The following FLT3 variants were observed in gnomAD, a reference collection of about 807,000 sequenced individuals.
The protein encoded by FLT3 is fms related receptor tyrosine kinase 3, also known as receptor-type tyrosine-protein kinase FLT3.
In FLT3, 46 loss-of-function variants were observed where a neutral mutation model predicts 126.6. The ratio of observed to expected loss-of-function variants is 0.36; its 90% CI spans 0.29 to 0.46. FLT3 has a LOEUF of 0.46. Among genes scored for constraint, FLT3 ranks in the 20% least tolerant of loss-of-function variants. FLT3 has a pLI of 1.00. For synonymous variants in FLT3, 404 were observed against 434.4 expected (o/e 0.93, Z 0.87); for missense variants, 1,069 against 1,190.3 (o/e 0.90, Z 1.50).
rs564866854 is a variant in FLT3 at position 28,090,906 on chromosome 13, C to T, written c.43+9562G>A. Among the ~76,000 whole-genome samples, 122 of 152,108 alleles carry T rather than the reference C, an allele frequency of 8.0e-4. 5 individuals are homozygous for T. The South Asian group carries it at 0.023, about 28-fold the overall frequency. On this transcript the variant is annotated intron_variant, in intron 1 of 23. Coordinates refer to ENST00000241453, the MANE Select transcript of FLT3 (RefSeq NM_004119.3). ...AATCCAGTTCCAAACACATTCTGAGCGGTGAGGACAACTTTGGAATTGAAA... is the reference window on the plus strand; with the variant it reads ...AATCCAGTTCCAAACACATTCTGAGTGGTGAGGACAACTTTGGAATTGAAA...
At chr13:28,089,703 G>T (rs1009485865) in intron 1 of FLT3, among the ~76,000 whole-genome samples, 16 of 151,758 alleles carry the variant, frequency 1.1e-4, no homozygotes, top group Non-Finnish European at 2.1e-4. Context: ...GCTTGGGGTA[G>T]GGATCAGGGT....
At chr13:28,067,908 T>C (rs1258002844) in intron 2 of FLT3, 1 of 391,104 alleles carries the variant, frequency 2.6e-6, no homozygotes, top group African/African-American at 2.2e-5. Flanking sequence ...AGCTGGCTTG[T>C]GCAGGCCACC....
intron 1 of FLT3, among the ~76,000 whole-genome samples, chr13:28,093,728 C>G: frequency 6.6e-6 from 1 of 152,198 alleles, no homozygotes; most frequent in South Asian, 2.1e-4. Context: ...CCTTCTCAGT[C>G]TGGGTTAGAG....
At chr13:28,041,836 T>G (rs1272827869) in intron 9 of FLT3, among the ~76,000 whole-genome samples, 3 of 152,180 alleles carry the variant, frequency 2.0e-5, no homozygotes, top group African/African-American at 4.8e-5. Context: ...TCTAAGAAGA[T>G]GCGTTCTCAT....
chr13:28,051,176 T>C (rs1181749289), intron 5 of FLT3, among the ~76,000 whole-genome samples: 1 of 152,236 alleles, frequency 6.6e-6, no homozygotes, highest in East Asian at 1.9e-4. Flanking sequence ...TTAGACTGCT[T>C]TCCCAGAACA....
chr13:28,091,243 A>T (rs1321469428), intron 1 of FLT3, among the ~76,000 whole-genome samples: 9 of 37,358 alleles, frequency 2.4e-4, no homozygotes, highest in African/African-American at 1.1e-3. Context: ...TTTTTTTGAG[A>T]CGGAGTCTCG....
At chr13:28,097,114 G>A (rs1050490503) in intron 1 of FLT3, among the ~76,000 whole-genome samples, 15 of 152,018 alleles carry the variant, frequency 9.9e-5, no homozygotes, top group African/African-American at 3.6e-4. Flanking sequence ...TACTCAGGAG[G>A]CTGAGGTAGG....
At chr13:28,021,529 A>G (rs144778704) in intron 19 of FLT3, among the ~76,000 whole-genome samples, 1 of 152,332 alleles carries the variant, frequency 6.6e-6, no homozygotes, top group African/African-American at 2.4e-5. Flanking sequence ...TGTGCCTCGC[A>G]GTTCAGAGGT....
intron 20 of FLT3, among the ~76,000 whole-genome samples, chr13:28,017,214 G>A (rs1177276583): frequency 1.3e-5 from 2 of 152,060 alleles, no homozygotes; most frequent in African/African-American, 4.8e-5. Context: ...CACAAGTAGG[G>A]AATTCTTTTT....
intron 3 of FLT3, 123 bp downstream of exon 3, chr13:28,061,744 C>A: frequency 1.4e-6 from 1 of 702,644 alleles, no homozygotes; most frequent in East Asian, 2.7e-5. Context: ...CTACTCCAGC[C>A]TGGGTGACAG....
At chr13:28,087,938 C>T (rs565821242) in intron 1 of FLT3, among the ~76,000 whole-genome samples, 3 of 152,210 alleles carry the variant, frequency 2.0e-5, no homozygotes, top group Non-Finnish European at 4.4e-5. Flanking sequence ...TTATAATAAC[C>T]GTTTTAATTT....
intron 1 of FLT3, among the ~76,000 whole-genome samples, chr13:28,077,486 A>G (rs1290290594): frequency 6.6e-6 from 1 of 152,176 alleles, no homozygotes; most frequent in Non-Finnish European, 1.5e-5. Context: ...AGACTTATTC[A>G]CTATCATGAG....
chr13:28,058,305 G>A (rs749351650), intron 3 of FLT3, among the ~76,000 whole-genome samples: 2 of 150,904 alleles, frequency 1.3e-5, no homozygotes, highest in Non-Finnish European at 2.9e-5. Context: ...ACCTGAGGTC[G>A]GGAATTCAAG....
intron 1 of FLT3, chr13:28,073,362 A>T: frequency 2.4e-6 from 1 of 421,222 alleles, no homozygotes; most frequent in South Asian, 1.7e-5. Flanking sequence ...GAAAAAAAAA[A>T]AAAAAAAGCA....
At chr13:28,068,121 T>C (rs2137782262) in intron 2 of FLT3, 1 of 153,696 alleles carries the variant, frequency 6.5e-6, no homozygotes, top group South Asian at 2.0e-4. Flanking sequence ...TGACATTAAA[T>C]GCAGCTTTGA....
At chr13:28,028,521 A>G (rs983584609) in intron 15 of FLT3, among the ~76,000 whole-genome samples, 4 of 151,948 alleles carry the variant, frequency 2.6e-5, no homozygotes, top group African/African-American at 7.3e-5. Context: ...ATATGGTGAA[A>G]CCTCGTCTCT....
At chr13:28,081,287 C>A (rs1878285200) in intron 1 of FLT3, among the ~76,000 whole-genome samples, 1 of 105,706 alleles carries the variant, frequency 9.5e-6, no homozygotes, top group Non-Finnish European at 2.3e-5. Context: ...TTAATTAGAT[C>A]TTACTTAATT....
At position 28,010,740 on chromosome 13, in the gene FLT3, CT is replaced by C. The variant is rs529307941; in HGVS notation, c.2859+3711del. Reference sequence around the variant, plus strand: ...CAAAGATTCTGGCCGGGCATGGTGGCTCATGCCTGTAATCCCCCCACCTTGG... The same window carrying C: ...CAAAGATTCTGGCCGGGCATGGTGGCCATGCCTGTAATCCCCCCACCTTGG... On this transcript the variant is annotated intron_variant, in intron 23 of 23. Coordinates refer to ENST00000241453, the MANE Select transcript of FLT3 (RefSeq NM_004119.3). Among the ~76,000 whole-genome samples the C allele has an allele frequency of 3.7e-3, 571 of 152,328 alleles. 3 individuals are homozygous for C. The highest frequency in any genetic ancestry group is 6.8e-3 in the Middle Eastern group (2 of 294).
Position 28,034,168 on chromosome 13 carries a change from G to C in FLT3, c.1751C>G (p.Ser584Cys). ...AACGTAGAAGTACTCATTATCTGAG[G>C]AGCCGGTCACCTGTACCATCTGTAG... ...SQLQMVQVTG[S>C]SDNEYFYVDF... is the part of the protein sequence containing the mutation. Residue 584 changes from serine (S) to cysteine (C), a missense_variant, in exon 14 of 24, where the codon TCC (serine) becomes TGC (cysteine). Physicochemically the swap from Ser to Cys is moderately radical, Grantham distance 112. Transcript: ENST00000241453. 1.2e-6 allele frequency: 2 copies of C among 1,613,984 alleles called. No individual in the cohort carries two copies.
Sources: allele counts gnomAD v4.1 joint callset (sites outside exome capture counted in the v4.1 genomes callset), GRCh38; gene constraint gnomAD v4.1.1; transcripts MANE v1.5; gene names NCBI Gene and HGNC (gene_info 2026-07-23, HGNC 2026-07-21).